The following PKD2L2 variants were observed in gnomAD, a reference collection of about 807,000 sequenced individuals.
The protein encoded by PKD2L2 is polycystin 2 like 2, transient receptor potential cation channel, also known as polycystin-2-like protein 2.
A neutral mutation model predicts 83.9 loss-of-function variants in PKD2L2; 67 were observed. That is an observed-to-expected ratio of 0.80 (90% CI 0.66 to 0.98). The LOEUF (loss-of-function observed/expected upper bound fraction) is 0.98. Among genes scored for constraint, PKD2L2 ranks in the 50% least tolerant of loss-of-function variants. The probability of loss-of-function intolerance (pLI) is 0.00; values close to 1 mark genes in which losing one functional copy is unlikely to be tolerated. For missense variants in PKD2L2, 632 were observed against 717.2 expected (o/e 0.88, Z 1.36); for synonymous variants, 223 against 237.8 (o/e 0.94, Z 0.57).
At chr5:137,912,801 C>CTTTTTTTTTTTTTTTTTT (rs71583287) in intron 8 of PKD2L2, among the ~76,000 whole-genome samples, 1 of 99,858 alleles carries the variant, frequency 1.0e-5, no homozygotes, top group African/African-American at 3.7e-5. Flanking sequence ...TGTTTTCTTT[C>CTTTTTTTTTTTTTTTTTT]TTTCTTTTTT....
intron 12 of PKD2L2, among the ~76,000 whole-genome samples, chr5:137,933,899 C>T (rs575694959): frequency 4.6e-5 from 7 of 152,268 alleles, no homozygotes; most frequent in East Asian, 1.9e-4. Flanking sequence ...GAATCCCAAA[C>T]GGTCAAGTGG....
At chr5:137,933,462 T>C (rs1003446479) in intron 12 of PKD2L2, among the ~76,000 whole-genome samples, 1 of 152,172 alleles carries the variant, frequency 6.6e-6, no homozygotes, top group Non-Finnish European at 1.5e-5. Context: ...ACCACCAGTA[T>C]TCCTTAGATA....
In PKD2L2 at chr5:137,907,793, C is replaced by T; in HGVS notation, c.1027C>T (p.Leu343Phe). The change falls in exon 7 of 15, where the codon CTC becomes TTC. Residue 343 changes from leucine to phenylalanine, a missense_variant. This residue lies in a region of PKD2L2 where 399 missense variants were observed against 416.9 expected (regional missense o/e 0.96). Transcript: ENST00000508883. Reference sequence around the variant, plus strand: ...CACATACTATAATGTACAAATTTTTCTCTTACTTGGACAGCTGTTGAAAAG... The same window carrying T: ...CACATACTATAATGTACAAATTTTTTTCTTACTTGGACAGCTGTTGAAAAG... ...FNTYYNVQIF[L>F]LLGQLLKSTE... The T allele has an allele frequency of 1.3e-6, 2 of 1,583,808 alleles. No individual in the cohort carries two copies. The highest frequency in any genetic ancestry group is 2.4e-5 in the South Asian group (2 of 84,118).
At chr5:137,926,784 C>A (rs920066550) in intron 12 of PKD2L2, among the ~76,000 whole-genome samples, 6 of 152,206 alleles carry the variant, frequency 3.9e-5, no homozygotes, top group Admixed American at 6.5e-5. Context: ...CACTTAAATG[C>A]GTAATGTTTT....
At chr5:137,910,292 G>C (rs1013073928) in intron 8 of PKD2L2, among the ~76,000 whole-genome samples, 16 of 149,828 alleles carry the variant, frequency 1.1e-4, no homozygotes, top group Non-Finnish European at 1.8e-4. Context: ...GTAATAATTG[G>C]CATTGAATAC....
At chr5:137,892,832 G>T (rs1208072281) in intron 3 of PKD2L2, among the ~76,000 whole-genome samples, 4 of 152,038 alleles carry the variant, frequency 2.6e-5, no homozygotes, top group Non-Finnish European at 5.9e-5. Flanking sequence ...TTTTGGCCAG[G>T]CACGGTGGCT....
chr5:137,900,368 A>G (rs1435172784), intron 5 of PKD2L2, among the ~76,000 whole-genome samples: 1 of 152,220 alleles, frequency 6.6e-6, no homozygotes, highest in African/African-American at 2.4e-5. Flanking sequence ...TTAGTGCAAT[A>G]TCATGAACCT....
chr5:137,900,125 A>C (rs1756823834), intron 5 of PKD2L2, among the ~76,000 whole-genome samples: 1 of 152,264 alleles, frequency 6.6e-6, no homozygotes, highest in Non-Finnish European at 1.5e-5. Flanking sequence ...AAATGTAAAC[A>C]AAAGATGTAG....
intron 8 of PKD2L2, among the ~76,000 whole-genome samples, chr5:137,909,957 C>T (rs1433174739): frequency 6.6e-6 from 1 of 151,970 alleles, no homozygotes; most frequent in African/African-American, 2.4e-5. Flanking sequence ...GGCTGGGTGC[C>T]ATGGCACCTA....
chr5:137,915,203 CTTCTT>C (rs1312454671), intron 8 of PKD2L2, among the ~76,000 whole-genome samples: 1 of 147,868 alleles, frequency 6.8e-6, no homozygotes, highest in East Asian at 2.0e-4. Flanking sequence ...CATTAATTCT[CTTCTT>C]TTCTTGTACT....
At chr5:137,939,371 T>C (rs1042598175) in intron 14 of PKD2L2, 3 of 152,720 alleles carry the variant, frequency 2.0e-5, no homozygotes, top group Admixed American at 1.3e-4. Context: ...TCAGAGTTCC[T>C]ACATACTGAC....
chr5:137,941,271 A>G (rs1317468153), intron 14 of PKD2L2, among the ~76,000 whole-genome samples: 1 of 152,166 alleles, frequency 6.6e-6, no homozygotes, highest in Non-Finnish European at 1.5e-5. Context: ...AGCAAAGGGA[A>G]TTAAAGTACA....
chr5:137,910,719 C>T (rs1334882743), intron 8 of PKD2L2, among the ~76,000 whole-genome samples: 1 of 149,884 alleles, frequency 6.7e-6, no homozygotes, highest in Non-Finnish European at 1.5e-5. Context: ...GCAGAGGTTG[C>T]AGTGAGCCAA....
Position 137,892,590 on chromosome 5 carries a change from C to T in PKD2L2, c.244C>T (p.Arg82Cys), listed in dbSNP as rs1468592224. 3 of 1,610,946 alleles carry T rather than the reference C, an allele frequency of 1.9e-6. No individual in the cohort carries two copies. The highest frequency in any genetic ancestry group is 1.1e-5 in the South Asian group (1 of 90,346). The part of the protein sequence containing the change: ...GEERTNFKSI[R>C]SITDFWKFME... ...AGAAAGAACCAACTTTAAGTCCATTCGCAGCATAACTGATTTTTGGAAGGT... is the reference window on the plus strand; with the variant it reads ...AGAAAGAACCAACTTTAAGTCCATTTGCAGCATAACTGATTTTTGGAAGGT... The change falls in exon 3 of 15, where the codon CGC becomes TGC. Residue 82 changes from arginine to cysteine, a missense_variant. By Grantham distance (180) the Arg-to-Cys change is radical. Coordinates refer to ENST00000508883, the MANE Select transcript of PKD2L2 (RefSeq NM_001300921.2).
intron 2 of PKD2L2, among the ~76,000 whole-genome samples, chr5:137,890,810 C>T (rs896666732): frequency 1.6e-4 from 24 of 152,178 alleles, no homozygotes. Flanking sequence ...ATGTAAGAAG[C>T]TTCCATAGTC....
chr5:137,934,743 G>C (rs891110919), intron 12 of PKD2L2, among the ~76,000 whole-genome samples: 1 of 152,060 alleles, frequency 6.6e-6, no homozygotes, highest in South Asian at 2.1e-4. Flanking sequence ...ACCCGGGAGG[G>C]GTGGTTAGCA....
chr5:137,924,349 A>G (rs1043845879), intron 10 of PKD2L2, among the ~76,000 whole-genome samples: 1 of 152,152 alleles, frequency 6.6e-6, no homozygotes, highest in Admixed American at 6.5e-5. Context: ...CTGTTTTGTG[A>G]CGCTTATTCT....
chr5:137,926,782 T>G (rs1236642344), intron 12 of PKD2L2, among the ~76,000 whole-genome samples: 1 of 152,180 alleles, frequency 6.6e-6, no homozygotes, highest in African/African-American at 2.4e-5. Context: ...TCCACTTAAA[T>G]GCGTAATGTT....
rs779341198 is a variant in PKD2L2 at position 137,907,750 on chromosome 5, T to C, written c.984T>C (p.Phe328=). The C allele has an allele frequency of 3.3e-6, 5 of 1,508,288 alleles. No homozygotes were observed. Among genetic ancestry groups the C allele is most frequent in the African/African-American group, 1.4e-5 (1 of 71,824 alleles). 93.4% of individuals were successfully genotyped at this position (1,508,288 alleles called of 1,614,324 possible). Reference sequence around the variant, plus strand: ...CTTATTTTCCCATTTAGTTGTGTTTTGTGGCTGTTTCCTTCAACACATACT... The same window carrying C: ...CTTATTTTCCCATTTAGTTGTGTTTCGTGGCTGTTTCCTTCAACACATACT... ...WLELLLLLLC[F]VAVSFNTYYN... The change falls in exon 7 of 15, where the codon TTT becomes TTC. Residue 328 remains phenylalanine (F), a synonymous_variant. Transcript: ENST00000508883.
Sources: gnomAD v4.1 joint callset for allele counts (sites outside exome capture counted in the v4.1 genomes callset) on GRCh38, gnomAD v4.1.1 for gene constraint, gnomAD v4.1.1 regional missense constraint, MANE v1.5 for transcripts, NCBI Gene and HGNC (gene_info 2026-07-23, HGNC 2026-07-21) for gene names.